TSBP1: variants seen among roughly 807,000 people sequenced by gnomAD.
The protein encoded by TSBP1 is testis expressed basic protein 1, also known as testis-expressed basic protein 1.
Under a neutral mutation model 68.8 loss-of-function variants are expected in TSBP1, and 56 were observed. That is an observed-to-expected ratio of 0.81 (90% CI 0.66 to 1.02). TSBP1 has a LOEUF of 1.02. TSBP1 is among the 50% of genes least tolerant of loss of function. TSBP1 has a pLI of 0.00. For synonymous variants in TSBP1, 171 were observed against 208.7 expected, an observed-to-expected ratio of 0.82 and a Z score of 1.56; for missense variants, 502 against 641.2, an observed-to-expected ratio of 0.78 and a Z score of 2.34.
chr6:32,330,673 C>CACTT (rs1768903401), intron 15 of TSBP1, 64 bp from the exon 17 acceptor site: 1 of 1,464,690 alleles, frequency 6.8e-7, no homozygotes, highest in Non-Finnish European at 9.2e-7. Flanking sequence ...CACACACACA[C>CACTT]ACTTCTATTT....
intron 20 of TSBP1, among the ~76,000 whole-genome samples, chr6:32,301,267 G>A (rs953222228): frequency 5.3e-5 from 8 of 152,044 alleles, no homozygotes; most frequent in African/African-American, 1.4e-4. Context: ...GAGCTCCAGC[G>A]ATCCACCTGC....
chr6:32,328,142 A>G (rs2127594965), intron 16 of TSBP1, among the ~76,000 whole-genome samples: 1 of 151,740 alleles, frequency 6.6e-6, no homozygotes, highest in South Asian at 2.1e-4. Context: ...CGGTTTCATC[A>G]TGTTGGCCAG....
intron 6 of TSBP1, among the ~76,000 whole-genome samples, chr6:32,359,288 C>A (rs1325512048): frequency 2.0e-5 from 3 of 152,194 alleles, no homozygotes; most frequent in Admixed American, 6.5e-5. Flanking sequence ...CCTGTTTCTC[C>A]ACATCCTCTC....
intron 16 of TSBP1, chr6:32,324,569 G>T (rs1450351069): frequency 1.9e-5 from 29 of 1,518,356 alleles, no homozygotes; most frequent in Non-Finnish European, 2.5e-5. Context: ...CAAGCCCTTT[G>T]TATCCCAATA....
chr6:32,347,165 ATTT>A (rs9279590), intron 9 of TSBP1, among the ~76,000 whole-genome samples: 30,993 of 144,356 alleles, frequency 0.21, 3,610 homozygotes, highest in African/African-American at 0.31. Context: ...GCCCTCTTAG[ATTT>A]TTTTTTTTTT....
exon 23 of TSBP1, chr6:32,294,001 T>C (rs758326356): frequency 6.2e-7 from 1 of 1,611,668 alleles, no homozygotes; most frequent in Admixed American, 1.7e-5. Flanking sequence ...AAGATTTTTT[T>C]GCAAGTTCTT....
chr6:32,363,528 A>G (rs17202120), intron 6 of TSBP1, among the ~76,000 whole-genome samples: 1,843 of 150,744 alleles, frequency 0.012, 22 homozygotes, highest in Non-Finnish European at 0.02. Flanking sequence ...TGTATCTAGT[A>G]TAGGTTTTTG....
At chr6:32,322,615 G>T in intron 18 of TSBP1, 109 bp from the exon 20 acceptor site, 1 of 776,962 alleles carries the variant, frequency 1.3e-6, no homozygotes, top group Non-Finnish European at 2.3e-6. Context: ...TGGGTGGGCA[G>T]TGAAGGAGGT....
rs1226428040 is a variant in TSBP1 at position 32,333,688 on chromosome 6, C to T, written c.473-1634G>A. ...ACTGTGCTTCCTCCCTTAGGTCCTA[C>T]TGAGTAGACTGTTCCCAGATGAGAG... On this transcript the variant is annotated intron_variant, in intron 14 of 22. Transcript: ENST00000612031. This position sits in a 1 kb window ranked among gnomAD's most constrained non-coding sequence, Gnocchi z 4.2. Among the ~76,000 whole-genome samples the T allele has an allele frequency of 6.6e-6, 1 of 152,246 alleles. No homozygotes were observed. Among genetic ancestry groups the T allele is most frequent in the African/African-American group, 2.4e-5 (1 of 41,458 alleles).
intron 19 of TSBP1, among the ~76,000 whole-genome samples, chr6:32,305,187 A>C (rs1765678040): frequency 6.6e-6 from 1 of 152,202 alleles, no homozygotes; most frequent in Non-Finnish European, 1.5e-5. Context: ...TTTAGGATTA[A>C]AACAAGTTTA....
chr6:32,309,327 T>C lies in TSBP1; in HGVS notation c.580+6445A>G, dbSNP rs1766132126. ...AGTCAACATTTTAGATTTACTGTCA[T>C]GTTTTGTTGATTTGTTTTCTTACAT... On this transcript the variant is annotated intron_variant, in intron 19 of 22. Coordinates refer to ENST00000612031, the Ensembl canonical transcript of TSBP1. Among the ~76,000 whole-genome samples the C allele has an allele frequency of 2.0e-5, 3 of 148,904 alleles. No homozygotes were observed. The South Asian group carries it at 6.5e-4, about 32-fold the overall frequency.
exon 23 of TSBP1, chr6:32,293,853 G>T (rs34498363): frequency 7.4e-6 from 12 of 1,612,630 alleles, no homozygotes; most frequent in Non-Finnish European, 1.0e-5. Context: ...TCTCTTTCTG[G>T]CTCCTTTATG....
intron 22 of TSBP1, among the ~76,000 whole-genome samples, chr6:32,298,909 C>A (rs772555733): frequency 1.3e-5 from 2 of 152,110 alleles, no homozygotes; most frequent in Non-Finnish European, 2.9e-5. Context: ...AAATCTGAAT[C>A]CAGAAAACAG....
In TSBP1 at chr6:32,333,048, G is replaced by A. The variant is rs1379591126; in HGVS notation, c.473-994C>T. On this transcript the variant is annotated intron_variant, in intron 14 of 22. Coordinates refer to ENST00000612031, the Ensembl canonical transcript of TSBP1. The surrounding 1 kb of genome is among the most constrained non-coding windows in gnomAD (Gnocchi z 4.2). ...TTTTTAGACAGAGTCTTACTCTGTC[G>A]CCCAGGCTGGAATGCAGTGGCATGA... Among the ~76,000 whole-genome samples the A allele has an allele frequency of 6.7e-6, 1 of 150,180 alleles. No homozygotes were observed. The highest frequency in any genetic ancestry group is 1.5e-5 in the Non-Finnish European group (1 of 67,572).
intron 17 of TSBP1, chr6:32,323,344 G>A (rs996284247): frequency 4.4e-6 from 3 of 681,654 alleles, no homozygotes; most frequent in Admixed American, 2.3e-5. Context: ...ATTAAATGAG[G>A]TAATGTAATT....
chr6:32,351,632 C>A (rs894344402), intron 8 of TSBP1, among the ~76,000 whole-genome samples: 10 of 151,896 alleles, frequency 6.6e-5, no homozygotes, highest in African/African-American at 2.4e-4. Flanking sequence ...AAATTCATAG[C>A]AATTAAAGTT....
intron 16 of TSBP1, among the ~76,000 whole-genome samples, chr6:32,328,890 TTTAA>T (rs1201828536): frequency 6.6e-6 from 1 of 152,164 alleles, no homozygotes; most frequent in East Asian, 1.9e-4. Context: ...TCACTAACCT[TTTAA>T]TTAATTAATT....
At chr6:32,356,613 A>G (rs138512769) in intron 6 of TSBP1, among the ~76,000 whole-genome samples, 2,797 of 152,132 alleles carry the variant, frequency 0.018, 83 homozygotes, top group African/African-American at 0.063. Context: ...CCAGCTACTC[A>G]GGAGGCTGAG....
intron 9 of TSBP1, among the ~76,000 whole-genome samples, chr6:32,349,210 T>C (rs1215356184): frequency 6.6e-6 from 1 of 151,352 alleles, no homozygotes; most frequent in African/African-American, 2.4e-5. Context: ...TTTTTTTTTT[T>C]TTGCAGGGGA....
Sources: gnomAD v4.1 joint callset for allele counts (sites outside exome capture counted in the v4.1 genomes callset) on GRCh38, gnomAD v4.1.1 for gene constraint, Gnocchi (gnomAD v3.1) non-coding constraint, MANE v1.5 for transcripts, NCBI Gene and HGNC (gene_info 2026-07-23, HGNC 2026-07-21) for gene names.